The following SV2C variants were observed in gnomAD, a reference collection of about 807,000 sequenced individuals.
The protein encoded by SV2C is solute carrier family 22 member B3.
SV2C carries 49 observed loss-of-function variants against 79.7 expected under a neutral mutation model. The observed-to-expected ratio is 0.61, with a 90% confidence interval of 0.49 to 0.78. The LOEUF is 0.78. SV2C is among the 30% of genes least tolerant of loss of function. SV2C has a pLI of 0.00. For missense variants in SV2C, 833 were observed against 912.9 expected, an observed-to-expected ratio of 0.91 and a Z score of 1.13; for synonymous variants, 334 against 333.2, an observed-to-expected ratio of 1.00 and a Z score of -0.03.
the SV2C span, among the ~76,000 whole-genome samples, chr5:76,060,907 A>C: frequency 6.6e-6 from 1 of 152,144 alleles, no homozygotes; most frequent in South Asian, 2.1e-4. Flanking sequence ...TTGAACATTT[A>C]GAGGCCACTG....
intron 6 of SV2C, among the ~76,000 whole-genome samples, chr5:76,288,698 A>C (rs181717304): frequency 1.3e-5 from 2 of 152,224 alleles, no homozygotes; most frequent in South Asian, 4.1e-4. Context: ...ATGTTGTTAC[A>C]TGAAGGTTAG....
chr5:75,852,081 G>A, the SV2C span, among the ~76,000 whole-genome samples: 3,555 of 152,162 alleles, frequency 0.023, 134 homozygotes, highest in African/African-American at 0.082. Context: ...ATTTACCACC[G>A]CATGTTCTCA....
At chr5:75,947,397 A>C in the SV2C span, among the ~76,000 whole-genome samples, 1 of 151,584 alleles carries the variant, frequency 6.6e-6, no homozygotes, top group Non-Finnish European at 1.5e-5. Context: ...TCTCCCTACT[A>C]TCTATTTTCT....
intron 1 of SV2C, among the ~76,000 whole-genome samples, chr5:76,098,307 GT>G (rs1747630893): frequency 6.6e-6 from 1 of 152,188 alleles, no homozygotes; most frequent in Admixed American, 6.5e-5. Context: ...TGAAGGCCTG[GT>G]GACCAATCTT....
At chr5:76,003,088 T>C in the SV2C span, among the ~76,000 whole-genome samples, 1 of 152,140 alleles carries the variant, frequency 6.6e-6, no homozygotes. Flanking sequence ...AAGGGCTTTT[T>C]CCCCTTTTGC....
the SV2C span, among the ~76,000 whole-genome samples, chr5:76,027,011 A>C: frequency 6.6e-6 from 1 of 151,476 alleles, no homozygotes; most frequent in Non-Finnish European, 1.5e-5. Context: ...GGATTAAGTC[A>C]ATTTGGGTAA....
At chr5:76,305,011 G>A (rs1409372878) in intron 12 of SV2C, among the ~76,000 whole-genome samples, 1 of 152,162 alleles carries the variant, frequency 6.6e-6, no homozygotes, top group African/African-American at 2.4e-5. Flanking sequence ...TTCCAATCAT[G>A]GCAGAAGGTA....
chr5:76,125,629 TCATATA>T (rs1748680055), intron 1 of SV2C, among the ~76,000 whole-genome samples: 1 of 152,144 alleles, frequency 6.6e-6, no homozygotes, highest in African/African-American at 2.4e-5. Flanking sequence ...GCATATAAAG[TCATATA>T]AAGTCAGAGT....
chr5:75,935,009 T>G, the SV2C span, among the ~76,000 whole-genome samples: 1 of 152,118 alleles, frequency 6.6e-6, no homozygotes, highest in Admixed American at 6.5e-5. Flanking sequence ...TACCAATGTA[T>G]TTAACTACCT....
the SV2C span, among the ~76,000 whole-genome samples, chr5:75,961,742 T>C: frequency 3.9e-5 from 6 of 152,134 alleles, no homozygotes; most frequent in East Asian, 1.2e-3. Flanking sequence ...ACATATTACA[T>C]TTAGATCAAC....
chr5:76,251,177 T>C (rs1746103983), intron 4 of SV2C, among the ~76,000 whole-genome samples: 1 of 152,154 alleles, frequency 6.6e-6, no homozygotes, highest in South Asian at 2.1e-4. Flanking sequence ...TCCCCACACA[T>C]AAAACAAAGC....
At chr5:76,167,810 C>T (rs1488510872) in intron 2 of SV2C, among the ~76,000 whole-genome samples, 1 of 152,152 alleles carries the variant, frequency 6.6e-6, no homozygotes, top group African/African-American at 2.4e-5. Context: ...TCTTTATCAG[C>T]TGAGTTATAC....
intron 2 of SV2C, among the ~76,000 whole-genome samples, chr5:76,181,741 A>T (rs552760893): frequency 6.6e-6 from 1 of 152,206 alleles, no homozygotes; most frequent in Admixed American, 6.5e-5. Flanking sequence ...CCCCACCTTC[A>T]ACATGTGGGG....
the SV2C span, among the ~76,000 whole-genome samples, chr5:75,920,375 G>A: frequency 2.0e-5 from 3 of 152,166 alleles, no homozygotes; most frequent in African/African-American, 7.2e-5. Context: ...AACTTTAGAT[G>A]GGAGTCTTGT....
At chr5:75,850,548 G>A in the SV2C span, among the ~76,000 whole-genome samples, 8 of 151,940 alleles carry the variant, frequency 5.3e-5, no homozygotes, top group Admixed American at 2.6e-4. Flanking sequence ...AATGTCATAG[G>A]TAGGTAGTGA....
At chr5:76,033,334 C>T in the SV2C span, among the ~76,000 whole-genome samples, 1 of 152,124 alleles carries the variant, frequency 6.6e-6, no homozygotes, top group Non-Finnish European at 1.5e-5. Flanking sequence ...TGCCTATGTC[C>T]TGAATGGTAT....
the SV2C span, among the ~76,000 whole-genome samples, chr5:75,984,321 TAATAGCA>T: frequency 9.0e-4 from 137 of 152,216 alleles, no homozygotes; most frequent in African/African-American, 3.2e-3. Flanking sequence ...CTTTTTATAA[TAATAGCA>T]AATAGCAAAT....
intron 1 of SV2C, among the ~76,000 whole-genome samples, chr5:76,108,392 T>C: frequency 6.6e-6 from 1 of 152,130 alleles, no homozygotes; most frequent in Non-Finnish European, 1.5e-5. Context: ...CGGAATGAGA[T>C]AAAAGAATTT....
At chr5:75,970,612 A>T in the SV2C span, among the ~76,000 whole-genome samples, 3 of 152,186 alleles carry the variant, frequency 2.0e-5, no homozygotes, top group Non-Finnish European at 4.4e-5. Context: ...CACTCTCCCA[A>T]GACTAAACGA....
Sources: allele counts gnomAD v4.1 joint callset (sites outside exome capture counted in the v4.1 genomes callset), GRCh38; gene constraint gnomAD v4.1.1; transcripts MANE v1.5; gene names NCBI Gene and HGNC (gene_info 2026-07-23, HGNC 2026-07-21).